Variants in ASTE1 observed in about 807,000 individuals in gnomAD.
ASTE1 encodes the protein single-strand DNA endonuclease ASTE1.
A neutral mutation model predicts 45.8 loss-of-function variants in ASTE1; 49 were observed. The ratio of observed to expected loss-of-function variants is 1.07; its 90% CI spans 0.85 to 1.36. The LOEUF is 1.36. Among genes scored for constraint, ASTE1 ranks in the 40% most tolerant of loss-of-function variants. The pLI, the probability that ASTE1 is intolerant of heterozygous loss-of-function variation, is 0.00. For synonymous variants in ASTE1, 296 were observed against 303.9 expected, an observed-to-expected ratio of 0.97 and a Z score of 0.27; for missense variants, 709 against 804.0, an observed-to-expected ratio of 0.88 and a Z score of 1.43.
intron 5 of ASTE1, 116 bp downstream of exon 5, chr3:131,016,027 GT>G (rs749416372): frequency 1.2e-4 from 144 of 1,225,794 alleles, no homozygotes; most frequent in South Asian, 1.7e-4. Context: ...ATTAAGATTA[GT>G]TTTTTTTTGT....
At chr3:131,022,782 T>C (rs933621416) in intron 3 of ASTE1, among the ~76,000 whole-genome samples, 5 of 152,284 alleles carry the variant, frequency 3.3e-5, no homozygotes, top group Middle Eastern at 3.4e-3. Context: ...TCATTCACTA[T>C]GACATTCATC....
chr3:131,016,811 G>C, intron 4 of ASTE1: 1 of 385,988 alleles, frequency 2.6e-6, no homozygotes, highest in Non-Finnish European at 4.7e-6. Flanking sequence ...AGTATGACTT[G>C]GAGAATTTGG....
chr3:131,020,823 A>C (rs2063732629), intron 3 of ASTE1, among the ~76,000 whole-genome samples: 1 of 152,234 alleles, frequency 6.6e-6, no homozygotes, highest in Non-Finnish European at 1.5e-5. Context: ...AGAATGAACT[A>C]AAATTTCACT....
rs553967115 is a variant in ASTE1, at chr3:131,018,136, G to A, written c.1513+370C>T. Among the ~76,000 whole-genome samples the A allele has an allele frequency of 2.6e-5, 4 of 152,304 alleles. No homozygotes were observed. The South Asian group carries it at 8.3e-4, about 32-fold the overall frequency. ...AGTTTCACTTCTGGGCAAGTTTCTTGTGATGACGTTGCTGCTGTGCTAATA... is the reference window on the plus strand; with the variant it reads ...AGTTTCACTTCTGGGCAAGTTTCTTATGATGACGTTGCTGCTGTGCTAATA... On this transcript the variant is annotated intron_variant, in intron 4 of 5. Transcript: ENST00000264992.
intron 3 of ASTE1, 51 bp from the exon 4 acceptor site, chr3:131,018,767 ATTTC>A: frequency 1.3e-6 from 2 of 1,570,788 alleles, no homozygotes; most frequent in Non-Finnish European, 1.7e-6. Flanking sequence ...AATGTCTGTT[ATTTC>A]TTTTTTCCAC....
chr3:131,023,980 T>A, intron 3 of ASTE1, 25 bp downstream of exon 3: 1 of 1,544,588 alleles, frequency 6.5e-7, no homozygotes. Flanking sequence ...TTTACAAAAA[T>A]TTCATTAGTA....
intron 3 of ASTE1, among the ~76,000 whole-genome samples, chr3:131,019,207 C>T (rs971449590): frequency 2.0e-5 from 3 of 152,224 alleles, no homozygotes; most frequent in African/African-American, 7.2e-5. Context: ...CTAATTGCCT[C>T]CAGAAGACAA....
intron 4 of ASTE1, among the ~76,000 whole-genome samples, chr3:131,017,997 G>A (rs113968730): frequency 0.049 from 4,577 of 94,140 alleles, 161 homozygotes; most frequent in Middle Eastern, 0.071. Context: ...AAAAAAAAAA[G>A]GACAAATTAC....
chr3:131,022,430 C>T (rs2063754134), intron 3 of ASTE1, among the ~76,000 whole-genome samples: 1 of 152,042 alleles, frequency 6.6e-6, no homozygotes, highest in African/African-American at 2.4e-5. Flanking sequence ...CTCCTGGGCT[C>T]GAGCAATCCT....
chr3:131,016,485 T>G (rs2063639418), intron 4 of ASTE1, 146 bp from the exon 5 acceptor site: 2 of 886,712 alleles, frequency 2.3e-6, no homozygotes, highest in Non-Finnish European at 3.4e-6. Context: ...CATAAATGCC[T>G]TGCTGTATAA....
chr3:131,016,225 C>G lies in ASTE1; in HGVS notation c.1628G>C (p.Cys543Ser), dbSNP rs1451389608. ...RLDLDTAHIF[C>S]QWQSCLQMGM... ...CATCTGGAGACAGGACTGCCACTGA[C>G]AGAAGATGTGAGCTGTGTCTAAGTC... The change falls in exon 5 of 6, where the codon TGT (cysteine) becomes TCT (serine). Residue 543 changes from cysteine to serine, a missense_variant. Coordinates refer to ENST00000264992, the MANE Select transcript of ASTE1 (RefSeq NM_014065.4). 1 of 1,614,164 alleles carries G rather than the reference C, an allele frequency of 6.2e-7. No individual in the cohort carries two copies. Among genetic ancestry groups the G allele is most frequent in the Admixed American group, 1.7e-5 (1 of 60,026 alleles).
intron 4 of ASTE1, 49 bp downstream of exon 4, chr3:131,018,456 GT>G: frequency 6.4e-7 from 1 of 1,552,198 alleles, no homozygotes; most frequent in Non-Finnish European, 8.9e-7. Context: ...CGAGTAAACA[GT>G]TTGCAAGCAA....
chr3:131,016,615 A>C, intron 4 of ASTE1: 1 of 443,414 alleles, frequency 2.3e-6, no homozygotes, highest in Non-Finnish European at 4.1e-6. Flanking sequence ...GACCATAAAC[A>C]TGTCTGCATT....
chr3:131,022,984 T>C (rs905762218), intron 3 of ASTE1, among the ~76,000 whole-genome samples: 3 of 152,144 alleles, frequency 2.0e-5, no homozygotes, highest in Non-Finnish European at 4.4e-5. Flanking sequence ...TAGATACCGA[T>C]AGCAACCACT....
chr3:131,018,250 A>C (rs1469662201), intron 4 of ASTE1, among the ~76,000 whole-genome samples: 1 of 152,180 alleles, frequency 6.6e-6, no homozygotes, highest in Non-Finnish European at 1.5e-5. Context: ...CACCAAACAG[A>C]TGGAAGTTGG....
In ASTE1 at chr3:131,024,668, A is replaced by T. The variant is rs150304811; in HGVS notation, c.639T>A (p.Ala213=). ...ATAGCACCGCAAAGAGAGGTAGTAG[A>T]GCTTTATTCATATTGCTGAAGTGAT... The part of the protein sequence containing the change: ...FCHHFSNMNK[A]LLPLFAVLCG... Residue 213 remains alanine, a synonymous_variant, in exon 3 of 6, where the codon GCT becomes GCA. Transcript: ENST00000264992. 6.3e-7 allele frequency: 1 copy of T among 1,592,676 alleles called. No individual in the cohort carries two copies. Among genetic ancestry groups the T allele is most frequent in the South Asian group, 1.2e-5 (1 of 86,568 alleles).
chr3:131,016,777 C>T, intron 4 of ASTE1: 1 of 345,770 alleles, frequency 2.9e-6, no homozygotes, highest in South Asian at 2.4e-5. Flanking sequence ...ATTTTGACCT[C>T]TGTGTTTTAT....
intron 3 of ASTE1, among the ~76,000 whole-genome samples, chr3:131,022,439 C>A (rs2063754286): frequency 6.6e-6 from 1 of 152,044 alleles, no homozygotes; most frequent in Admixed American, 6.5e-5. Flanking sequence ...TCGAGCAATC[C>A]TCCAACCTCA....
chr3:131,024,568 T>C lies in ASTE1; in HGVS notation c.739A>G (p.Ser247Gly). The change falls in exon 3 of 6, where the codon AGT (serine) becomes GGT (glycine). Residue 247 changes from serine to glycine, a missense_variant. Transcript: ENST00000264992. ...SKARLPLGAT[S>G]SKGRRHHRIL... ...CGGTGGTGTCTCCTCCCTTTAGAAC[T>C]GGTAGCTCCAAGAGGAAGACGCGCT... 6.2e-7 allele frequency: 1 copy of C among 1,613,766 alleles called. No homozygotes were observed. The highest frequency in any genetic ancestry group is 2.2e-5 in the East Asian group (1 of 44,874).
Sources: allele counts gnomAD v4.1 joint callset (sites outside exome capture counted in the v4.1 genomes callset), GRCh38; gene constraint gnomAD v4.1.1; transcripts MANE v1.5; gene names NCBI Gene and HGNC (gene_info 2026-07-23, HGNC 2026-07-21).